Variants in EPAS1 observed in about 807,000 individuals in gnomAD.
The protein encoded by EPAS1 is endothelial PAS domain protein 1.
A neutral mutation model predicts 87.9 loss-of-function variants in EPAS1; 23 were observed. That is an observed-to-expected ratio of 0.26 (90% CI 0.19 to 0.37). The LOEUF (loss-of-function observed/expected upper bound fraction) is 0.37. Among genes scored for constraint, EPAS1 ranks in the 10% least tolerant of loss-of-function variants. EPAS1 has a pLI of 1.00. For synonymous variants in EPAS1, 508 were observed against 444.3 expected (o/e 1.14, Z -1.80); for missense variants, 1,138 against 1,120.7 (o/e 1.02, Z -0.22).
chr2:46,356,660 T>G (rs1684278086), intron 3 of EPAS1, 64 bp from the exon 4 acceptor site: 3 of 1,325,362 alleles, frequency 2.3e-6, no homozygotes, highest in Admixed American at 3.4e-5. Flanking sequence ...GTGGCTCAGC[T>G]TACTCTTGGA....
At chr2:46,362,383 A>G (rs1684411576) in intron 6 of EPAS1, among the ~76,000 whole-genome samples, 1 of 152,180 alleles carries the variant, frequency 6.6e-6, no homozygotes, top group Non-Finnish European at 1.5e-5. Flanking sequence ...TATTGCTTAT[A>G]TCTTACTTCC....
chr2:46,299,868 A>C (rs1682961931), intron 1 of EPAS1, among the ~76,000 whole-genome samples: 1 of 152,240 alleles, frequency 6.6e-6, no homozygotes, highest in South Asian at 2.1e-4. Context: ...ACGTTGCGTA[A>C]TTAGACTCCC....
chr2:46,362,765 G>A (rs574215616), intron 6 of EPAS1, among the ~76,000 whole-genome samples: 1 of 152,294 alleles, frequency 6.6e-6, no homozygotes, highest in Admixed American at 6.5e-5. Flanking sequence ...CAGAACTTTT[G>A]TAAAAGTATC....
Position 46,325,224 on chromosome 2 carries a change from G to A in EPAS1, c.27-21649G>A, listed in dbSNP as rs115278562. Among the ~76,000 whole-genome samples the A allele has an allele frequency of 4.5e-3, 678 of 152,316 alleles. 3 individuals are homozygous for A. Among genetic ancestry groups the A allele is most frequent in the Non-Finnish European group, 7.1e-3 (485 of 68,034 alleles). On this transcript the variant is annotated intron_variant, in intron 1 of 15. Coordinates refer to ENST00000263734, the MANE Select transcript of EPAS1 (RefSeq NM_001430.5). ...TCTAGGTTAGAGTCTTAGATAATATGGGATTTTAAAACCAGTATTGTATTA... is the reference window on the plus strand; with the variant it reads ...TCTAGGTTAGAGTCTTAGATAATATAGGATTTTAAAACCAGTATTGTATTA...
intron 1 of EPAS1, among the ~76,000 whole-genome samples, chr2:46,329,008 C>T (rs1683618722): frequency 6.6e-6 from 1 of 152,184 alleles, no homozygotes; most frequent in African/African-American, 2.4e-5. Context: ...AACATTATTC[C>T]TAATGAGCCT....
chr2:46,312,174 T>A (rs1374209169), intron 1 of EPAS1, among the ~76,000 whole-genome samples: 1 of 152,218 alleles, frequency 6.6e-6, no homozygotes, highest in Non-Finnish European at 1.5e-5. Flanking sequence ...GTTCTGTGTT[T>A]CTTGGCTTTT....
At chr2:46,313,323 T>C (rs1281898029) in intron 1 of EPAS1, among the ~76,000 whole-genome samples, 1 of 152,154 alleles carries the variant, frequency 6.6e-6, no homozygotes, top group African/African-American at 2.4e-5. Flanking sequence ...AGTTAACTTC[T>C]GCCTTCAGGT....
intron 1 of EPAS1, among the ~76,000 whole-genome samples, chr2:46,312,533 C>T (rs1028392231): frequency 3.3e-5 from 5 of 152,102 alleles, no homozygotes; most frequent in Non-Finnish European, 7.4e-5. Flanking sequence ...GTTTAAAGGG[C>T]AGACCTTCAA....
rs747905660 is a variant in EPAS1 at position 46,382,074 on chromosome 2, G to A, written c.2272G>A (p.Ala758Thr). ...CPLMPDKPLSANVPNDKFTQN... is the reference protein window; with the variant it reads ...CPLMPDKPLSTNVPNDKFTQN... ...TTTGATGCCGGACAAGCCACTGAGC[G>A]CAAATGTACCCAATGGTGAGCAGCG... The change falls in exon 14 of 16, where the codon GCA (alanine) becomes ACA (threonine). Residue 758 changes from alanine to threonine, a missense_variant. Ala to Thr is a moderately conservative substitution (Grantham distance 58). This residue lies in a region of EPAS1 where 502 missense variants were observed against 427.1 expected (regional missense o/e 1.18). Transcript: ENST00000263734. The A allele has an allele frequency of 1.4e-5, 23 of 1,613,798 alleles. No homozygotes were observed. The highest frequency in any genetic ancestry group is 4.0e-5 in the African/African-American group (3 of 74,946).
At chr2:46,343,550 G>A (rs1243780057) in intron 1 of EPAS1, among the ~76,000 whole-genome samples, 1 of 152,206 alleles carries the variant, frequency 6.6e-6, no homozygotes, top group Non-Finnish European at 1.5e-5. Context: ...CTATTAAATG[G>A]AGATGATAGT....
chr2:46,302,157 C>A (rs1461048398), intron 1 of EPAS1, among the ~76,000 whole-genome samples: 1 of 74,134 alleles, frequency 1.3e-5, no homozygotes, highest in Non-Finnish European at 2.8e-5. Flanking sequence ...TGTGCCCGTG[C>A]GTCGGGGGGG....
intron 9 of EPAS1, 121 bp downstream of exon 9, chr2:46,376,874 G>C: frequency 9.7e-7 from 1 of 1,034,244 alleles, no homozygotes; most frequent in South Asian, 1.4e-5. Flanking sequence ...AGCCCCCCAA[G>C]TCTTGTTAAT....
chr2:46,346,874 A>T lies in EPAS1; in HGVS notation c.28A>T (p.Ser10Cys). MTADKEKKR[S>C]SSERRKEKSR... ...ACTAACCCCTTCTTCTCCACTTAGG[A>T]GTAGCTCGGAGAGGAGGAAGGAGAA... is the stretch of plus-strand genomic sequence containing the variant. Residue 10 changes from serine to cysteine, a missense_variant and splice_region_variant, in exon 2 of 16, where the codon AGT (serine) becomes TGT (cysteine). Transcript: ENST00000263734. The surrounding 1 kb of genome is among the most constrained non-coding windows in gnomAD (Gnocchi z 4.0). 2 of 1,614,170 alleles carry T rather than the reference A, an allele frequency of 1.2e-6. No homozygotes were observed. The highest frequency in any genetic ancestry group is 1.6e-4 in the Middle Eastern group (1 of 6,062).
intron 1 of EPAS1, among the ~76,000 whole-genome samples, chr2:46,328,741 A>T (rs186395602): frequency 6.6e-6 from 1 of 152,342 alleles, no homozygotes; most frequent in African/African-American, 2.4e-5. Context: ...GGGAGGACAG[A>T]TGGGGTCTTC....
intron 6 of EPAS1, among the ~76,000 whole-genome samples, chr2:46,366,119 C>A (rs936143389): frequency 6.6e-6 from 1 of 152,232 alleles, no homozygotes; most frequent in Non-Finnish European, 1.5e-5. Flanking sequence ...AGTCAGGCAC[C>A]GTGGCGCTGC....
chr2:46,348,380 G>A (rs1400023053), intron 2 of EPAS1, among the ~76,000 whole-genome samples: 1 of 152,170 alleles, frequency 6.6e-6, no homozygotes, highest in African/African-American at 2.4e-5. Context: ...AGAAAGGCTG[G>A]GAGACTCCAT....
In EPAS1 at chr2:46,369,872, C is replaced by A. The variant is rs765563022; in HGVS notation, c.825C>A (p.Arg275=). ...IGYHPEELLG[R]SAYEFYHALD... is the part of the protein sequence containing the mutation. The stretch of plus-strand genomic sequence containing the variant: ...ACCACCCTGAGGAGCTGCTTGGCCG[C>A]TCAGCCTATGAATTCTACCATGCGC... Residue 275 remains arginine, a synonymous_variant, in exon 7 of 16, where the codon CGC becomes CGA. Transcript: ENST00000263734. 2.4e-5 allele frequency: 39 copies of A among 1,613,214 alleles called. No individual in the cohort carries two copies. The highest frequency in any genetic ancestry group is 3.0e-5 in the Non-Finnish European group (35 of 1,179,738).
intron 1 of EPAS1, among the ~76,000 whole-genome samples, chr2:46,333,734 A>G (rs1204908563): frequency 1.3e-5 from 2 of 151,784 alleles, no homozygotes; most frequent in African/African-American, 4.8e-5. Flanking sequence ...GTGGGGAGCA[A>G]TTTTCATTTT....
At chr2:46,366,962 T>G (rs997717003) in intron 6 of EPAS1, among the ~76,000 whole-genome samples, 10 of 152,270 alleles carry the variant, frequency 6.6e-5, no homozygotes, top group Admixed American at 5.2e-4. Flanking sequence ...TTGTGAAGTT[T>G]GACAACTCAA....
Sources: allele counts gnomAD v4.1 joint callset (sites outside exome capture counted in the v4.1 genomes callset), GRCh38; gene constraint gnomAD v4.1.1; regional missense constraint gnomAD v4.1.1; non-coding constraint Gnocchi (gnomAD v3.1); transcripts MANE v1.5; gene names NCBI Gene and HGNC (gene_info 2026-07-23, HGNC 2026-07-21).